The following SLC39A11 variants were observed in gnomAD, a reference collection of about 807,000 sequenced individuals.
The protein encoded by SLC39A11 is zinc transporter ZIP11.
SLC39A11 carries 33 observed loss-of-function variants against 36.1 expected under a neutral mutation model. The observed-to-expected ratio is 0.91, with a 90% CI of 0.69 to 1.22. The LOEUF (loss-of-function observed/expected upper bound fraction) is 1.22. SLC39A11 is among the 50% of genes most tolerant of loss of function. The pLI, the probability that SLC39A11 is intolerant of heterozygous loss-of-function variation, is 0.00. For synonymous variants in SLC39A11, 166 were observed against 170.3 expected (o/e 0.97, Z 0.20); for missense variants, 432 against 430.3 (o/e 1.00, Z -0.03).
rs192586604 is a variant in SLC39A11, at chr17:72,963,849, G to A, written c.307-15974C>T. Among the ~76,000 whole-genome samples, 45 of 152,280 alleles carry A rather than the reference G, an allele frequency of 3.0e-4. 1 individual carries two copies. The highest frequency in any genetic ancestry group is 2.9e-3 in the Admixed American group (45 of 15,296). ...TTAGGCACAGGAGACGCAATGTCCA[G>A]TAGCCCACCTTTAGGGACCCATGAA... is the stretch of plus-strand genomic sequence containing the variant. On this transcript the variant is annotated intron_variant, in intron 4 of 9. Coordinates refer to ENST00000255559, the MANE Select transcript of SLC39A11 (RefSeq NM_139177.4).
rs1185821056 is a variant in SLC39A11 at position 73,073,856 on chromosome 17, T to G, written c.147+10952A>C. 6.6e-5 allele frequency: 10 copies of G among 152,210 alleles called. No homozygotes were observed. In the East Asian group the frequency reaches 1.9e-3, roughly 29 times the overall value. 9.4% of individuals were successfully genotyped at this position (152,210 alleles called of 1,614,324 possible). On this transcript the variant is annotated intron_variant, in intron 3 of 9. Coordinates refer to ENST00000255559, the MANE Select transcript of SLC39A11 (RefSeq NM_139177.4). The stretch of plus-strand genomic sequence containing the variant: ...GCCTCCTAAAGAGAAAAACCATAGC[T>G]CAGAGTGACAGCAATGATCTTTGCA...
chr17:73,086,008 G>A (rs2060717513), intron 2 of SLC39A11, among the ~76,000 whole-genome samples: 1 of 152,168 alleles, frequency 6.6e-6, no homozygotes, highest in African/African-American at 2.4e-5. Flanking sequence ...TCAGCCAGAT[G>A]CAGAACAGTA....
At chr17:72,932,662 C>G (rs1006080608) in intron 5 of SLC39A11, among the ~76,000 whole-genome samples, 1 of 151,906 alleles carries the variant, frequency 6.6e-6, no homozygotes, top group Non-Finnish European at 1.5e-5. Context: ...CAAAAAATTC[C>G]TACATCCAGG....
At chr17:72,834,318 G>C (rs2078420487) in intron 6 of SLC39A11, among the ~76,000 whole-genome samples, 1 of 152,210 alleles carries the variant, frequency 6.6e-6, no homozygotes, top group Admixed American at 6.5e-5. Flanking sequence ...ATTGGACACA[G>C]CAAGTCTAAA....
At chr17:73,082,600 C>CT (rs2060581586) in intron 3 of SLC39A11, among the ~76,000 whole-genome samples, 1 of 151,976 alleles carries the variant, frequency 6.6e-6, no homozygotes, top group Non-Finnish European at 1.5e-5. Flanking sequence ...GTTCTTTGTA[C>CT]TATTTTCAAG....
intron 7 of SLC39A11, among the ~76,000 whole-genome samples, chr17:72,689,655 T>C (rs2071927337): frequency 6.6e-6 from 1 of 152,136 alleles, no homozygotes; most frequent in African/African-American, 2.4e-5. Context: ...CAGATGAACC[T>C]CAAAAACATC....
chr17:72,773,654 C>T (rs540297298), intron 6 of SLC39A11, among the ~76,000 whole-genome samples: 1 of 150,204 alleles, frequency 6.7e-6, no homozygotes, highest in South Asian at 2.1e-4. Context: ...TACACACACA[C>T]ACACACACAC....
At chr17:72,998,111 G>C (rs984438509) in intron 4 of SLC39A11, among the ~76,000 whole-genome samples, 1 of 152,146 alleles carries the variant, frequency 6.6e-6, no homozygotes. Flanking sequence ...TTAAATTTAC[G>C]AGTGGAAGAC....
chr17:72,827,138 T>C (rs1201976916), intron 6 of SLC39A11, among the ~76,000 whole-genome samples: 1 of 152,220 alleles, frequency 6.6e-6, no homozygotes, highest in Non-Finnish European at 1.5e-5. Flanking sequence ...AAATGTGGTA[T>C]AGACATATAA....
At chr17:72,732,007 C>CCTTTTCTTT (rs2074238483) in intron 7 of SLC39A11, among the ~76,000 whole-genome samples, 1 of 134,850 alleles carries the variant, frequency 7.4e-6, no homozygotes. Flanking sequence ...GATTACAGGC[C>CCTTTTCTTT]CTTTTCTTTT....
intron 7 of SLC39A11, among the ~76,000 whole-genome samples, chr17:72,691,998 T>C (rs2072049540): frequency 6.7e-6 from 1 of 149,470 alleles, no homozygotes. Context: ...CTCCCCCACC[T>C]ACCTCAAAGT....
intron 4 of SLC39A11, among the ~76,000 whole-genome samples, chr17:72,958,215 T>C (rs2086372505): frequency 6.6e-6 from 1 of 152,132 alleles, no homozygotes; most frequent in Admixed American, 6.5e-5. Context: ...AAAAATCAAC[T>C]CAAGATGGAC....
At chr17:72,935,115 C>T (rs542717492) in intron 5 of SLC39A11, among the ~76,000 whole-genome samples, 26 of 152,172 alleles carry the variant, frequency 1.7e-4, no homozygotes, top group Non-Finnish European at 3.2e-4. Flanking sequence ...GGAAACAACA[C>T]AAATGTCCTT....
At chr17:72,708,332 C>T (rs2072976718) in intron 7 of SLC39A11, among the ~76,000 whole-genome samples, 3 of 152,298 alleles carry the variant, frequency 2.0e-5, no homozygotes, top group Middle Eastern at 3.4e-3. Context: ...ACTGATCCAC[C>T]ACCAAGTAGG....
intron 7 of SLC39A11, among the ~76,000 whole-genome samples, chr17:72,719,239 TC>T (rs928949960): frequency 6.6e-6 from 1 of 151,896 alleles, no homozygotes; most frequent in Non-Finnish European, 1.5e-5. Context: ...AAAGACTCTA[TC>T]TCAAAAAAAG....
At chr17:73,019,919 A>G (rs2058287232) in intron 4 of SLC39A11, among the ~76,000 whole-genome samples, 1 of 152,214 alleles carries the variant, frequency 6.6e-6, no homozygotes, top group Non-Finnish European at 1.5e-5. Context: ...AAGAAGATAT[A>G]CCAAGGAAAC....
intron 5 of SLC39A11, among the ~76,000 whole-genome samples, chr17:72,855,357 T>A (rs913535621): frequency 6.6e-6 from 1 of 152,164 alleles, no homozygotes; most frequent in Non-Finnish European, 1.5e-5. Flanking sequence ...AGGCCCCCGA[T>A]GAATATGGCA....
At chr17:72,891,273 T>A (rs996134043) in intron 5 of SLC39A11, among the ~76,000 whole-genome samples, 1 of 151,894 alleles carries the variant, frequency 6.6e-6, no homozygotes, top group Non-Finnish European at 1.5e-5. Context: ...AATACAAAAT[T>A]AGCTGGGCGT....
chr17:73,065,972 G>C (rs1036936052), intron 3 of SLC39A11, among the ~76,000 whole-genome samples: 1 of 151,888 alleles, frequency 6.6e-6, no homozygotes, highest in Non-Finnish European at 1.5e-5. Context: ...CACAATGAAG[G>C]CACCTGGCAC....
Sources: gnomAD v4.1 joint callset for allele counts (sites outside exome capture counted in the v4.1 genomes callset) on GRCh38, gnomAD v4.1.1 for gene constraint, MANE v1.5 for transcripts, NCBI Gene and HGNC (gene_info 2026-07-23, HGNC 2026-07-21) for gene names.